Variants in DOP1A observed in about 807,000 individuals in gnomAD.
DOP1A encodes the protein protein DOP1A.
A neutral mutation model predicts 267.6 loss-of-function variants in DOP1A; 90 were observed. The ratio of observed to expected loss-of-function variants is 0.34; its 90% CI spans 0.28 to 0.40. DOP1A has a LOEUF of 0.40. DOP1A is among the 10% of genes least tolerant of loss of function. The pLI, the probability that DOP1A is intolerant of heterozygous loss-of-function variation, is 1.00. For missense variants in DOP1A, 2,437 were observed against 2,900.4 expected, an observed-to-expected ratio of 0.84 and a Z score of 3.67; for synonymous variants, 932 against 999.1, an observed-to-expected ratio of 0.93 and a Z score of 1.27.
intron 36 of DOP1A, among the ~76,000 whole-genome samples, chr6:83,159,359 G>C (rs1442175750): frequency 6.6e-6 from 1 of 151,786 alleles, no homozygotes; most frequent in African/African-American, 2.4e-5. Flanking sequence ...TTGCAGCCTC[G>C]ACCTCCCAGG....
chr6:83,136,490 G>T (rs1215914976), intron 20 of DOP1A, among the ~76,000 whole-genome samples: 1 of 152,078 alleles, frequency 6.6e-6, no homozygotes, highest in East Asian at 1.9e-4. Context: ...GACAAACCCT[G>T]TGGTGGTAAT....
At chr6:83,125,826 A>C in intron 15 of DOP1A, 93 bp downstream of exon 15, 1 of 1,096,716 alleles carries the variant, frequency 9.1e-7, no homozygotes, top group South Asian at 1.7e-5. Context: ...TAAGCATTTA[A>C]ATAATAGTGA....
At chr6:83,167,260 C>G in intron 38 of DOP1A, 1 of 982,798 alleles carries the variant, frequency 1.0e-6, no homozygotes, top group Non-Finnish European at 1.2e-6. Context: ...GACTCCAGGT[C>G]CAGCTTTCCT....
chr6:83,124,746 G>C lies in DOP1A; in HGVS notation c.1382G>C (p.Ser461Thr). 2 of 1,613,182 alleles carry C rather than the reference G, an allele frequency of 1.2e-6. No individual in the cohort carries two copies. Among genetic ancestry groups the C allele is most frequent in the Non-Finnish European group, 1.7e-6 (2 of 1,179,562 alleles). Residue 461 changes from serine (S) to threonine (T), a missense_variant, in exon 13 of 39, where the codon AGT becomes ACT. Ser to Thr is a moderately conservative substitution (Grantham distance 58). Around this residue, in one of 9 missense-constraint regions of DOP1A, gnomAD observed 498 missense variants for 513.5 expected, o/e 0.97. Transcript: ENST00000349129. ...AGACTTCAGATTGGACCTGGAGATA[G>C]TAATGACTCATCTGAATTACAGCTG... ...HVRLQIGPGD[S>T]NDSSELQLTN...
Position 83,138,106 on chromosome 6 carries a change from G to A in DOP1A, c.4064G>A (p.Arg1355Gln), listed in dbSNP as rs142639349. 770 of 1,613,798 alleles carry A rather than the reference G, an allele frequency of 4.8e-4. 11 individuals are homozygous for A. The East Asian group carries it at 0.016, about 33-fold the overall frequency. Residue 1355 changes from arginine to glutamine, a missense_variant, in exon 21 of 39, where the codon CGA becomes CAA. Physicochemically the swap from Arg to Gln is conservative, Grantham distance 43. Coordinates refer to ENST00000349129, the MANE Select transcript of DOP1A (RefSeq NM_015018.4). Reference protein sequence around the residue: ...IESDMGSPGSRKSPNFNIHPL... With the variant: ...IESDMGSPGSQKSPNFNIHPL... ...AGTGACATGGGTTCTCCAGGATCTC[G>A]AAAATCTCCCAATTTCAACATTCAT... is the stretch of plus-strand genomic sequence containing the variant.
intron 27 of DOP1A, among the ~76,000 whole-genome samples, chr6:83,149,595 G>T (rs184198799): frequency 6.6e-6 from 1 of 152,286 alleles, no homozygotes; most frequent in East Asian, 1.9e-4. Flanking sequence ...TTATTTTAAA[G>T]AATGTGGTCT....
chr6:83,123,035 G>A, intron 12 of DOP1A, 53 bp downstream of exon 12: 3 of 1,533,410 alleles, frequency 2.0e-6, no homozygotes, highest in South Asian at 2.6e-5. Context: ...GCTAACCTTT[G>A]GGTTTTTTTT....
chr6:83,169,095 A>C (rs1261460325), downstream of DOP1A: 32 of 1,451,154 alleles, frequency 2.2e-5, no homozygotes, highest in Non-Finnish European at 2.7e-5. Context: ...TTAGTGTTTA[A>C]GAAAAACAGA....
At chr6:83,109,744 A>C (rs1774228958) in intron 5 of DOP1A, among the ~76,000 whole-genome samples, 2 of 152,290 alleles carry the variant, frequency 1.3e-5, no homozygotes, top group East Asian at 1.9e-4. Context: ...CTAATATCTC[A>C]TTACTAATAT....
chr6:83,158,649 G>T lies in DOP1A; in HGVS notation c.6797+27G>T, dbSNP rs767664413. ...TAATATGTAATTTAAATATATTGTT[G>T]TCCATTTTTTAATACCCTGAAATTA... is the stretch of plus-strand genomic sequence containing the variant. On this transcript the variant is annotated intron_variant, in intron 36 of 38. Coordinates refer to ENST00000349129, the MANE Select transcript of DOP1A (RefSeq NM_015018.4). 3.2e-6 allele frequency: 5 copies of T among 1,545,736 alleles called. No individual in the cohort carries two copies. The African/African-American group carries it at 6.8e-5, about 21-fold the overall frequency.
At position 83,113,513 on chromosome 6, in the gene DOP1A, ATTC is replaced by A. The variant is rs199931902; in HGVS notation, c.780+98_780+100del. 1,024 of 996,960 alleles carry A rather than the reference ATTC, an allele frequency of 1.0e-3. 3 individuals are homozygous for A. The African/African-American group carries it at 0.014, about 13-fold the overall frequency. The allele number at this position is 996,960 out of a possible 1,614,324, so 61.8% of individuals were successfully genotyped here. On this transcript the variant is annotated intron_variant, in intron 7 of 38. Transcript: ENST00000349129. ...TATTTTTTAAAGGCATGTGTGTTGA[ATTC>A]TTCTTGTATAAATCAGTAAGCGCAT...
At chr6:83,159,666 T>A (rs1469133581) in intron 36 of DOP1A, 130 bp from the exon 37 acceptor site, 1 of 995,048 alleles carries the variant, frequency 1.0e-6, no homozygotes, top group African/African-American at 1.6e-5. Flanking sequence ...ATCATGACCT[T>A]GCTTAGCAAT....
At position 83,138,281 on chromosome 6, in the gene DOP1A, T is replaced by G. The variant is rs1342399462; in HGVS notation, c.4239T>G (p.Thr1413=). Reference sequence around the variant, plus strand: ...CTACTAGTGTAAATAATGCATATACTCCTCAGTTGTCTCTCCTTCAGAATC... The same window carrying G: ...CTACTAGTGTAAATAATGCATATACGCCTCAGTTGTCTCTCCTTCAGAATC... ...ISTTSVNNAY[T]PQLSLLQNLL... The change falls in exon 21 of 39, where the codon ACT becomes ACG. Residue 1413 remains threonine (T), a synonymous_variant. Transcript: ENST00000349129. The G allele has an allele frequency of 4.3e-6, 7 of 1,612,876 alleles. No homozygotes were observed. Among genetic ancestry groups the G allele is most frequent in the Non-Finnish European group, 5.9e-6 (7 of 1,179,930 alleles).
rs1391762179 is a variant in DOP1A, at chr6:83,137,543, A to G, written c.3501A>G (p.Glu1167=). Residue 1167 remains glutamate, a synonymous_variant, in exon 21 of 39, where the codon GAA becomes GAG. Transcript: ENST00000349129. The part of the protein sequence containing the change: ...ICKVVSGLEV[E]SASVTSQLEI... ...AAGTTGTAAGTGGCCTCGAAGTGGA[A>G]TCTGCATCAGTTACATCTCAATTAG... is the stretch of plus-strand genomic sequence containing the variant. 6.2e-7 allele frequency: 1 copy of G among 1,613,790 alleles called. No individual in the cohort carries two copies. The highest frequency in any genetic ancestry group is 8.5e-7 in the Non-Finnish European group (1 of 1,179,868).
At chr6:83,075,250 C>A (rs1562263915) in intron 1 of DOP1A, among the ~76,000 whole-genome samples, 1 of 152,070 alleles carries the variant, frequency 6.6e-6, no homozygotes, top group Non-Finnish European at 1.5e-5. Flanking sequence ...TGTTTATTGA[C>A]TGTTTACCGT....
At chr6:83,082,660 C>G (rs1347097601) in intron 1 of DOP1A, among the ~76,000 whole-genome samples, 2 of 152,052 alleles carry the variant, frequency 1.3e-5, no homozygotes, top group Admixed American at 1.3e-4. Flanking sequence ...GTTCTTACCA[C>G]AAAAATGACA....
At chr6:83,140,534 T>A in intron 23 of DOP1A, 131 bp downstream of exon 23, 3 of 780,598 alleles carry the variant, frequency 3.8e-6, no homozygotes, top group Non-Finnish European at 5.8e-6. Context: ...TTTTTAACAG[T>A]TTTCCTGGGC....
intron 6 of DOP1A, among the ~76,000 whole-genome samples, chr6:83,110,897 C>T (rs567112268): frequency 1.3e-5 from 2 of 152,250 alleles, no homozygotes; most frequent in South Asian, 4.1e-4. Context: ...ATTAGCCCTT[C>T]TTACATTGTA....
intron 1 of DOP1A, among the ~76,000 whole-genome samples, chr6:83,095,552 T>C (rs1267150697): frequency 6.6e-6 from 1 of 152,166 alleles, no homozygotes; most frequent in Non-Finnish European, 1.5e-5. Flanking sequence ...AGAAGTCAGT[T>C]AGGATACCAG....
Sources: gnomAD v4.1 joint callset for allele counts (sites outside exome capture counted in the v4.1 genomes callset) on GRCh38, gnomAD v4.1.1 for gene constraint, gnomAD v4.1.1 regional missense constraint, MANE v1.5 for transcripts, NCBI Gene and HGNC (gene_info 2026-07-23, HGNC 2026-07-21) for gene names.